LEF1: variants seen among roughly 807,000 people sequenced by gnomAD.
The protein encoded by LEF1 is lymphoid enhancer binding factor 1.
LEF1 carries 14 observed loss-of-function variants against 51.2 expected under a neutral mutation model. The ratio of observed to expected loss-of-function variants is 0.27; its 90% confidence interval spans 0.18 to 0.43. The LOEUF (loss-of-function observed/expected upper bound fraction) is 0.43, where lower values mean the gene tolerates loss of function less well. LEF1 is among the 20% of genes least tolerant of loss of function. LEF1 has a pLI of 1.00. For synonymous variants in LEF1, 185 were observed against 183.2 expected, an observed-to-expected ratio of 1.01 and a Z score of -0.08; for missense variants, 386 against 512.0, an observed-to-expected ratio of 0.75 and a Z score of 2.37.
intron 7 of LEF1, among the ~76,000 whole-genome samples, 168 bp downstream of exon 7, chr4:108,079,324 G>A (rs1417363502): frequency 6.6e-6 from 1 of 152,220 alleles, no homozygotes; most frequent in Non-Finnish European, 1.5e-5. Context: ...AATCAGCACA[G>A]TAGGAATGAA....
chr4:108,125,663 C>A (rs1742479899), intron 3 of LEF1, among the ~76,000 whole-genome samples: 1 of 151,136 alleles, frequency 6.6e-6, no homozygotes, highest in Non-Finnish European at 1.5e-5. Flanking sequence ...GGGATTTTTA[C>A]AACTTTAAGT....
intron 3 of LEF1, among the ~76,000 whole-genome samples, chr4:108,142,174 G>A (rs1380972210): frequency 7.2e-5 from 11 of 152,164 alleles, no homozygotes; most frequent in Admixed American, 1.3e-4. Flanking sequence ...CAAGGTGAAC[G>A]GGTGCAGCTG....
intron 8 of LEF1, among the ~76,000 whole-genome samples, chr4:108,073,348 G>A (rs547611122): frequency 6.6e-6 from 1 of 152,272 alleles, no homozygotes; most frequent in East Asian, 1.9e-4. Context: ...TTGCACCACT[G>A]CACTCCAGCC....
chr4:108,133,591 T>G (rs1343935256), intron 3 of LEF1, among the ~76,000 whole-genome samples: 1 of 152,202 alleles, frequency 6.6e-6, no homozygotes, highest in Non-Finnish European at 1.5e-5. Flanking sequence ...CTTGCTGTGT[T>G]GTCCAAACTG....
At chr4:108,099,617 T>TATATATATATAA (rs1371330564) in intron 3 of LEF1, among the ~76,000 whole-genome samples, 1 of 118,220 alleles carries the variant, frequency 8.5e-6, no homozygotes, top group Non-Finnish European at 1.7e-5. Flanking sequence ...TATATATATA[T>TATATATATATAA]AAATAATACT....
Position 108,143,848 on chromosome 4 carries a change from C to T in LEF1, c.414+19720G>A, listed in dbSNP as rs573983542. Among the ~76,000 whole-genome samples the T allele has an allele frequency of 2.0e-3, 302 of 152,262 alleles. 1 individual carries two copies. The highest frequency in any genetic ancestry group is 3.6e-3 in the Non-Finnish European group (242 of 68,014). ...GTAGCCCCCGGAGCTGTGGGCTCCACACATTTCTCAGACTGCCCTCAGCAA... is the reference window on the plus strand; with the variant it reads ...GTAGCCCCCGGAGCTGTGGGCTCCATACATTTCTCAGACTGCCCTCAGCAA... On this transcript the variant is annotated intron_variant, in intron 3 of 11. Coordinates refer to ENST00000265165, the MANE Select transcript of LEF1 (RefSeq NM_016269.5).
intron 3 of LEF1, among the ~76,000 whole-genome samples, chr4:108,119,841 A>G (rs1485551206): frequency 1.3e-5 from 2 of 152,204 alleles, no homozygotes; most frequent in Non-Finnish European, 2.9e-5. Flanking sequence ...TATATGGATT[A>G]TATCTATCAA....
intron 9 of LEF1, among the ~76,000 whole-genome samples, chr4:108,065,256 G>A (rs779226055): frequency 1.3e-5 from 2 of 152,172 alleles, no homozygotes; most frequent in African/African-American, 2.4e-5. Flanking sequence ...GGAAGCCGAG[G>A]TGAGCAGATC....
intron 3 of LEF1, among the ~76,000 whole-genome samples, chr4:108,149,598 T>C (rs1744233532): frequency 6.6e-6 from 1 of 150,934 alleles, no homozygotes; most frequent in African/African-American, 2.4e-5. Context: ...TATATTTGTG[T>C]GTATATATGT....
At chr4:108,137,229 G>A (rs943731626) in intron 3 of LEF1, among the ~76,000 whole-genome samples, 6 of 152,080 alleles carry the variant, frequency 3.9e-5, no homozygotes, top group African/African-American at 9.7e-5. Context: ...TTGCAAAGGC[G>A]TAAGAATAAT....
intron 3 of LEF1, among the ~76,000 whole-genome samples, chr4:108,112,233 T>A (rs550206311): frequency 6.6e-6 from 1 of 152,290 alleles, no homozygotes; most frequent in African/African-American, 2.4e-5. Flanking sequence ...GGTTTTCGTG[T>A]GGTCAGATGA....
chr4:108,081,344 G>A (rs1031039176), intron 6 of LEF1, among the ~76,000 whole-genome samples: 1 of 152,098 alleles, frequency 6.6e-6, no homozygotes, highest in South Asian at 2.1e-4. Context: ...TGGAGGCAAC[G>A]CTTTCCAAGG....
chr4:108,139,954 G>T (rs1743538240), intron 3 of LEF1, among the ~76,000 whole-genome samples: 1 of 151,958 alleles, frequency 6.6e-6, no homozygotes. Context: ...ACCTCAAAAA[G>T]AATTCATGGG....
chr4:108,104,780 G>GAGAGAGCCCTGGAA, intron 3 of LEF1: 3 of 622,184 alleles, frequency 4.8e-6, no homozygotes, highest in Non-Finnish European at 4.0e-6. Context: ...TCCCCTTCCA[G>GAGAGAGCCCTGGAA]GGCTCTCTCT....
intron 3 of LEF1, among the ~76,000 whole-genome samples, chr4:108,160,325 G>A (rs144975931): frequency 3.3e-5 from 5 of 152,292 alleles, no homozygotes; most frequent in African/African-American, 9.6e-5. Flanking sequence ...TTCAGAGAAC[G>A]AAAGGTTTGG....
chr4:108,160,766 T>C (rs1024663049), intron 3 of LEF1, among the ~76,000 whole-genome samples: 25 of 152,142 alleles, frequency 1.6e-4, no homozygotes, highest in Non-Finnish European at 3.5e-4. Context: ...AGCAAAAGCA[T>C]ATGCACTTTT....
intron 3 of LEF1, among the ~76,000 whole-genome samples, chr4:108,099,447 T>A (rs1414529708): frequency 1.3e-5 from 2 of 150,648 alleles, no homozygotes; most frequent in Admixed American, 6.6e-5. Flanking sequence ...AGCTGGTAAT[T>A]TAACATTACA....
intron 3 of LEF1, among the ~76,000 whole-genome samples, chr4:108,142,572 C>T (rs557954716): frequency 6.6e-6 from 1 of 152,158 alleles, no homozygotes; most frequent in African/African-American, 2.4e-5. Context: ...TGATTAAATA[C>T]ATTGTGTAAT....
At chr4:108,058,841 A>C (rs924017574) in intron 11 of LEF1, among the ~76,000 whole-genome samples, 2 of 152,174 alleles carry the variant, frequency 1.3e-5, no homozygotes, top group African/African-American at 2.4e-5. Flanking sequence ...TCCTCACTAA[A>C]TGTTTGCGTG....
Sources: gnomAD v4.1 joint callset for allele counts (sites outside exome capture counted in the v4.1 genomes callset) on GRCh38, gnomAD v4.1.1 for gene constraint, MANE v1.5 for transcripts, NCBI Gene and HGNC (gene_info 2026-07-23, HGNC 2026-07-21) for gene names.